Variants in MYO6 observed in about 807,000 individuals in gnomAD.
MYO6 encodes the protein unconventional myosin-VI.
Under a neutral mutation model 178.7 loss-of-function variants are expected in MYO6, and 74 were observed. That is an observed-to-expected ratio of 0.41 (90% confidence interval 0.34 to 0.50). The LOEUF is 0.50. Among genes scored for constraint, MYO6 ranks in the 20% least tolerant of loss-of-function variants. The probability of loss-of-function intolerance (pLI) is 0.09; values close to 1 mark genes in which losing one functional copy is unlikely to be tolerated. For missense variants in MYO6, 1,330 were observed against 1,547.4 expected, an observed-to-expected ratio of 0.86 and a Z score of 2.36; for synonymous variants, 477 against 504.6, an observed-to-expected ratio of 0.95 and a Z score of 0.73.
At chr6:75,850,242 A>T (rs1371169108) in intron 11 of MYO6, among the ~76,000 whole-genome samples, 1 of 152,144 alleles carries the variant, frequency 6.6e-6, no homozygotes, top group African/African-American at 2.4e-5. Flanking sequence ...TAGTGTGCAT[A>T]TAGGGAAAGA....
At chr6:75,887,870 T>C (rs565009703) in intron 25 of MYO6, among the ~76,000 whole-genome samples, 27 of 150,788 alleles carry the variant, frequency 1.8e-4, no homozygotes, top group Non-Finnish European at 2.9e-5. Context: ...CCCCAGCTAC[T>C]TGGGAGGCTG....
intron 1 of MYO6, among the ~76,000 whole-genome samples, chr6:75,779,850 T>TA (rs1406111594): frequency 6.6e-6 from 1 of 152,254 alleles, no homozygotes; most frequent in Non-Finnish European, 1.5e-5. Context: ...TGTAGCTTGT[T>TA]ACACTTTTCA....
At chr6:75,793,134 G>A (rs1768415215) in intron 1 of MYO6, among the ~76,000 whole-genome samples, 1 of 151,958 alleles carries the variant, frequency 6.6e-6, no homozygotes, top group South Asian at 2.1e-4. Context: ...ACTGTACCCT[G>A]GGATTAGTCC....
chr6:75,904,538 C>G (rs566088425), intron 30 of MYO6, among the ~76,000 whole-genome samples: 1 of 152,328 alleles, frequency 6.6e-6, no homozygotes, highest in African/African-American at 2.4e-5. Context: ...GAGGCTTCTG[C>G]ATTCTTCACG....
intron 1 of MYO6, among the ~76,000 whole-genome samples, chr6:75,756,885 T>TTG (rs544342318): frequency 0.037 from 2,551 of 69,406 alleles, 113 homozygotes; most frequent in East Asian, 0.19. Flanking sequence ...CTTATGTGTG[T>TTG]TGTGTGTGTA....
chr6:75,769,325 G>A (rs1778712745), intron 1 of MYO6, among the ~76,000 whole-genome samples: 1 of 152,102 alleles, frequency 6.6e-6, no homozygotes, highest in South Asian at 2.1e-4. Context: ...TCTCATCTGA[G>A]ACTCATCTCC....
chr6:75,782,830 T>C lies in MYO6; in HGVS notation c.-48+33407T>C, dbSNP rs569195715. Among the ~76,000 whole-genome samples the C allele has an allele frequency of 8.5e-5, 13 of 152,270 alleles. 1 individual carries two copies. Among genetic ancestry groups the C allele is most frequent in the African/African-American group, 3.1e-4 (13 of 41,560 alleles). On this transcript the variant is annotated intron_variant, in intron 1 of 34. Transcript: ENST00000369977. Reference sequence around the variant, plus strand: ...GAGTGTCTTTGTGGATGGACCTCTCTGAAATTTACTTGTTGCAAATTTAGT... The same window carrying C: ...GAGTGTCTTTGTGGATGGACCTCTCCGAAATTTACTTGTTGCAAATTTAGT...
intron 29 of MYO6, 111 bp from the exon 30 acceptor site, chr6:75,898,262 G>A: frequency 1.4e-6 from 1 of 712,026 alleles, no homozygotes; most frequent in South Asian, 2.4e-5. Flanking sequence ...GTTATGAACA[G>A]TTGTTAAATA....
intron 8 of MYO6, 34 bp from the exon 9 acceptor site, chr6:75,841,180 C>T (rs754475205): frequency 1.4e-5 from 23 of 1,595,646 alleles, no homozygotes; most frequent in Middle Eastern, 1.7e-4. Flanking sequence ...ACTTTAAATG[C>T]AAAAATATAT....
At chr6:75,755,444 A>G (rs902585055) in intron 1 of MYO6, among the ~76,000 whole-genome samples, 11 of 152,292 alleles carry the variant, frequency 7.2e-5, no homozygotes, top group Admixed American at 5.2e-4. Context: ...TTAAATTGTT[A>G]CAGGTTATTT....
intron 23 of MYO6, among the ~76,000 whole-genome samples, chr6:75,885,731 C>T (rs1201303722): frequency 6.6e-6 from 1 of 152,128 alleles, no homozygotes; most frequent in Non-Finnish European, 1.5e-5. Context: ...CAGGCGTGAG[C>T]CACCGCGCCC....
At position 75,805,021 on chromosome 6, in the gene MYO6, A is replaced by ATATATATATATATT. The variant is rs1252912172; in HGVS notation, c.-47-12479_-47-12478insATATATATATATTT. ...CACACACATATATATATATATATAT[A>ATATATATATATATT]TTTTTTTTTTTTTTTTTTTTGAGAC... On this transcript the variant is annotated intron_variant, in intron 1 of 34. Transcript: ENST00000369977. Among the ~76,000 whole-genome samples, 338 of 77,278 alleles carry ATATATATATATATT rather than the reference A, an allele frequency of 4.4e-3. 10 individuals carry two copies. Among genetic ancestry groups the ATATATATATATATT allele is most frequent in the African/African-American group, 0.017 (164 of 9,850 alleles). 50.7% of individuals were successfully genotyped at this position (77,278 alleles called of 152,430 possible).
chr6:75,842,954 G>A (rs938675329), intron 9 of MYO6, among the ~76,000 whole-genome samples: 11 of 152,186 alleles, frequency 7.2e-5, no homozygotes, highest in African/African-American at 2.7e-4. Flanking sequence ...TTTCTGCAGT[G>A]TGAACCAGGA....
chr6:75,890,447 C>A (rs544964297), intron 26 of MYO6, among the ~76,000 whole-genome samples, 182 bp downstream of exon 26: 3 of 152,100 alleles, frequency 2.0e-5, no homozygotes, highest in Non-Finnish European at 4.4e-5. Flanking sequence ...CGGGTTCAAT[C>A]GATTTTCCTG....
At chr6:75,831,738 G>A (rs1773108245) in intron 5 of MYO6, among the ~76,000 whole-genome samples, 1 of 151,620 alleles carries the variant, frequency 6.6e-6, no homozygotes, top group Non-Finnish European at 1.5e-5. Flanking sequence ...TAAAAAAAAT[G>A]AAAAAATTAG....
chr6:75,764,439 A>C (rs959625261), intron 1 of MYO6, among the ~76,000 whole-genome samples: 1 of 152,168 alleles, frequency 6.6e-6, no homozygotes, highest in Non-Finnish European at 1.5e-5. Context: ...TGCTTGAATT[A>C]AATCTTTGAA....
At chr6:75,868,294 T>G (rs752414484) in intron 18 of MYO6, among the ~76,000 whole-genome samples, 7 of 151,848 alleles carry the variant, frequency 4.6e-5, no homozygotes, top group Non-Finnish European at 7.4e-5. Flanking sequence ...GAGTTTCTGA[T>G]TCAGTGAACA....
chr6:75,759,362 G>A (rs760952878), intron 1 of MYO6, among the ~76,000 whole-genome samples: 5 of 152,198 alleles, frequency 3.3e-5, no homozygotes, highest in Admixed American at 2.6e-4. Context: ...ACAAACAAGT[G>A]TGGTAAAGCG....
Position 75,892,553 on chromosome 6 carries a change from C to T in MYO6, c.2970C>T (p.Ala990=). Residue 990 remains alanine (A), a synonymous_variant, in exon 28 of 35, where the codon GCC becomes GCT. Transcript: ENST00000369977. ...RIQAEVEAQL[A]RQKEEESQQQ... is the part of the protein sequence containing the mutation. The stretch of plus-strand genomic sequence containing the variant: ...AGGCTGAAGTGGAGGCACAGCTGGC[C>T]CGACAGAAGGAGGAGGAATCCCAAC... 1.2e-6 allele frequency: 2 copies of T among 1,613,862 alleles called. No individual in the cohort carries two copies. The highest frequency in any genetic ancestry group is 1.7e-6 in the Non-Finnish European group (2 of 1,179,998).
Sources: allele counts gnomAD v4.1 joint callset (sites outside exome capture counted in the v4.1 genomes callset), GRCh38; gene constraint gnomAD v4.1.1; transcripts MANE v1.5; gene names NCBI Gene and HGNC (gene_info 2026-07-23, HGNC 2026-07-21).